LRRTM4: variants seen among roughly 807,000 people sequenced by gnomAD.
The protein encoded by LRRTM4 is leucine rich repeat transmembrane neuronal 4.
In LRRTM4, 25 loss-of-function variants were observed where a neutral mutation model predicts 47.6. The observed-to-expected ratio is 0.53, with a 90% CI of 0.38 to 0.73. The LOEUF (loss-of-function observed/expected upper bound fraction) is 0.73, where lower values mean the gene tolerates loss of function less well. Among genes scored for constraint, LRRTM4 ranks in the 30% least tolerant of loss-of-function variants. The probability of loss-of-function intolerance (pLI) is 0.00; values close to 1 mark genes in which losing one functional copy is unlikely to be tolerated. For synonymous variants in LRRTM4, 311 were observed against 269.5 expected, an observed-to-expected ratio of 1.15 and a Z score of -1.51; for missense variants, 638 against 713.4, an observed-to-expected ratio of 0.89 and a Z score of 1.20.
In LRRTM4 at chr2:77,284,720, C is replaced by T. The variant is rs148338126; in HGVS notation, c.1551+233598G>A. Among the ~76,000 whole-genome samples the T allele has an allele frequency of 1.4e-3, 217 of 152,140 alleles. 3 individuals carry two copies. The highest frequency in any genetic ancestry group is 5.0e-3 in the African/African-American group (206 of 41,514). On this transcript the variant is annotated intron_variant, in intron 3 of 3. Coordinates refer to ENST00000409884, the MANE Select transcript of LRRTM4 (RefSeq NM_001134745.3). ...TCAAAGTCCTTCTGTGCTCCTTTCACCTCAATATGGTGCTTGCTTGCAAGA... is the reference window on the plus strand; with the variant it reads ...TCAAAGTCCTTCTGTGCTCCTTTCATCTCAATATGGTGCTTGCTTGCAAGA...
At chr2:76,837,170 T>G (rs1170715073) in intron 3 of LRRTM4, among the ~76,000 whole-genome samples, 3 of 152,170 alleles carry the variant, frequency 2.0e-5, no homozygotes, top group African/African-American at 7.2e-5. Flanking sequence ...TTTATTTGCA[T>G]AGAGGTGTTT....
intron 3 of LRRTM4, among the ~76,000 whole-genome samples, chr2:77,005,270 G>A (rs1677597012): frequency 6.6e-6 from 1 of 152,094 alleles, no homozygotes; most frequent in Non-Finnish European, 1.5e-5. Flanking sequence ...TCAGCCTCCT[G>A]AGTAGCTGGG....
intron 3 of LRRTM4, among the ~76,000 whole-genome samples, chr2:76,752,571 C>T (rs1212697903): frequency 6.6e-6 from 1 of 152,098 alleles, no homozygotes; most frequent in Non-Finnish European, 1.5e-5. Flanking sequence ...AGCAAGAATT[C>T]AAAAGCCAAG....
At chr2:76,959,817 G>T (rs1443314181) in intron 3 of LRRTM4, among the ~76,000 whole-genome samples, 1 of 151,504 alleles carries the variant, frequency 6.6e-6, no homozygotes, top group East Asian at 1.9e-4. Context: ...GAAGACTATT[G>T]TGTCATTTAC....
chr2:77,417,237 A>G (rs1430909565), intron 3 of LRRTM4, among the ~76,000 whole-genome samples: 1 of 152,188 alleles, frequency 6.6e-6, no homozygotes, highest in African/African-American at 2.4e-5. Context: ...AAAGGTCAGG[A>G]AACAACAGGT....
intron 3 of LRRTM4, chr2:77,517,916 C>T (rs976511445): frequency 2.0e-6 from 2 of 992,198 alleles, no homozygotes; most frequent in African/African-American, 1.7e-5. Flanking sequence ...GGTAAACTCA[C>T]TTTATTTTTA....
chr2:77,478,525 G>A (rs1001405278), intron 3 of LRRTM4, among the ~76,000 whole-genome samples: 6 of 152,036 alleles, frequency 3.9e-5, no homozygotes, highest in African/African-American at 9.7e-5. Context: ...AGTTCCTTAA[G>A]GAAAGAAATA....
chr2:77,367,767 T>C (rs145302268), intron 3 of LRRTM4, among the ~76,000 whole-genome samples: 3 of 151,828 alleles, frequency 2.0e-5, no homozygotes, highest in African/African-American at 7.2e-5. Flanking sequence ...AAGGTCTGGA[T>C]TGAGAGAGGC....
chr2:77,365,458 G>A (rs1672405312), intron 3 of LRRTM4, among the ~76,000 whole-genome samples: 1 of 151,680 alleles, frequency 6.6e-6, no homozygotes, highest in Admixed American at 6.6e-5. Flanking sequence ...TTTTCTTTTG[G>A]CATAGATTTT....
At chr2:76,907,777 C>T (rs1443443319) in intron 3 of LRRTM4, among the ~76,000 whole-genome samples, 1 of 131,444 alleles carries the variant, frequency 7.6e-6, no homozygotes, top group African/African-American at 3.2e-5. Flanking sequence ...CATACACTCT[C>T]CCAAGACTAA....
chr2:76,916,983 T>C (rs528732107), intron 3 of LRRTM4, among the ~76,000 whole-genome samples: 4 of 152,240 alleles, frequency 2.6e-5, no homozygotes, highest in Non-Finnish European at 5.9e-5. Flanking sequence ...TTGTGGCATC[T>C]GAAGATTTGT....
chr2:77,362,162 A>AAAGG (rs1397786559), intron 3 of LRRTM4, among the ~76,000 whole-genome samples: 1 of 112,902 alleles, frequency 8.9e-6, no homozygotes, highest in South Asian at 2.6e-4. Flanking sequence ...AGAAAGAAAG[A>AAAGG]AAGAAAGAAA....
In LRRTM4 at chr2:77,083,792, T is replaced by G. The variant is rs1421056188; in HGVS notation, c.1552-334876A>C. Among the ~76,000 whole-genome samples, 21 of 57,622 alleles carry G rather than the reference T, an allele frequency of 3.6e-4. No individual in the cohort carries two copies. The South Asian group carries it at 7.9e-3, about 22-fold the overall frequency. 37.8% of individuals were successfully genotyped at this position (57,622 alleles called of 152,430 possible). Reference sequence around the variant, plus strand: ...TTTTTAACTGGACACACTTTTTTTTTTTTTTTTTTTTTTTTTTTTTTTTTT... The same window carrying G: ...TTTTTAACTGGACACACTTTTTTTTGTTTTTTTTTTTTTTTTTTTTTTTTT... On this transcript the variant is annotated intron_variant, in intron 3 of 3. Transcript: ENST00000409884.
intron 3 of LRRTM4, among the ~76,000 whole-genome samples, chr2:77,015,180 C>A (rs1302016059): frequency 1.3e-5 from 2 of 152,104 alleles, no homozygotes; most frequent in African/African-American, 4.8e-5. Context: ...CCAGTCAACC[C>A]TTCTGGATGG....
chr2:77,490,584 T>C (rs137891213), intron 3 of LRRTM4, among the ~76,000 whole-genome samples: 133 of 152,074 alleles, frequency 8.7e-4, no homozygotes, highest in African/African-American at 3.0e-3. Flanking sequence ...TACAAATTGC[T>C]ATTTTCCCAT....
At chr2:77,131,597 GCCAAA>G (rs1671805164) in intron 3 of LRRTM4, among the ~76,000 whole-genome samples, 1 of 152,122 alleles carries the variant, frequency 6.6e-6, no homozygotes. Flanking sequence ...GTGGGAAAGA[GCCAAA>G]CCCAAATTTC....
At chr2:77,328,593 C>T (rs1299646297) in intron 3 of LRRTM4, among the ~76,000 whole-genome samples, 1 of 152,114 alleles carries the variant, frequency 6.6e-6, no homozygotes, top group Non-Finnish European at 1.5e-5. Context: ...TAGAGCTTTG[C>T]CATGACAGTT....
At chr2:76,968,031 G>T (rs1332168738) in intron 3 of LRRTM4, among the ~76,000 whole-genome samples, 2 of 150,602 alleles carry the variant, frequency 1.3e-5, no homozygotes, top group Non-Finnish European at 1.5e-5. Context: ...AGGCAAAAAT[G>T]GATAAAAAGA....
intron 3 of LRRTM4, among the ~76,000 whole-genome samples, chr2:77,483,185 T>C (rs184623241): frequency 3.6e-4 from 54 of 148,566 alleles, no homozygotes; most frequent in Admixed American, 1.9e-3. Flanking sequence ...TGCCATTAGG[T>C]TCTAATTTAC....
Sources: allele counts gnomAD v4.1 joint callset (sites outside exome capture counted in the v4.1 genomes callset), GRCh38; gene constraint gnomAD v4.1.1; transcripts MANE v1.5; gene names NCBI Gene and HGNC (gene_info 2026-07-23, HGNC 2026-07-21).